Variants in SPANXN3 observed in about 807,000 individuals in gnomAD.
SPANXN3 encodes sperm protein associated with the nucleus on the X chromosome N3.
SPANXN3 carries 1 observed loss-of-function variant against 1.9 expected under a neutral mutation model. The ratio of observed to expected loss-of-function variants is 0.54; its 90% CI spans 0.19 to 2.54. SPANXN3 has a LOEUF of 2.54. Among genes scored for constraint, SPANXN3 ranks in the 30% most tolerant of loss-of-function variants. The pLI, the probability that SPANXN3 is intolerant of heterozygous loss-of-function variation, is 0.24. For missense variants in SPANXN3, 113 were observed against 96.2 expected (o/e 1.17, Z -0.73); for synonymous variants, 47 against 40.0 (o/e 1.17, Z -0.66).
rs868995223 is a variant in SPANXN3, at chrX:143,508,865, C to T, written c.376G>A (p.Glu126Lys). The T allele has an allele frequency of 3.3e-6, 4 of 1,211,896 alleles. No individual in the cohort carries two copies. The highest frequency in any genetic ancestry group is 4.5e-6 in the Non-Finnish European group (4 of 895,485). ...GATCCTTCAGATAAGCCTAGGTCTTCATCCTCCTGTGAGGATCCTTCAGAT... is the reference window on the plus strand; with the variant it reads ...GATCCTTCAGATAAGCCTAGGTCTTTATCCTCCTGTGAGGATCCTTCAGAT... ...DSSEGSSQED[E>K]DLGLSEGSSQ... The change falls in exon 2 of 2, where the codon GAA becomes AAA. Residue 126 changes from glutamate (E) to lysine (K), a missense_variant. Physicochemically the swap from Glu to Lys is moderately conservative, Grantham distance 56. Coordinates refer to ENST00000370503, the MANE Select transcript of SPANXN3 (RefSeq NM_001009609.4).
intron 1 of SPANXN3, among the ~76,000 whole-genome samples, chrX:143,512,762 G>C (rs1929123109): frequency 9.0e-6 from 1 of 111,500 alleles, no homozygotes; most frequent in Non-Finnish European, 1.9e-5. Context: ...GGGGTTCCAG[G>C]ATAGCCCCCA....
At chrX:143,516,225 A>C (rs1556412492) in intron 1 of SPANXN3, among the ~76,000 whole-genome samples, 1 of 112,401 alleles carries the variant, frequency 8.9e-6, no homozygotes, top group East Asian at 2.8e-4. Context: ...AAAATATAAA[A>C]GTTAAAACAA....
intron 1 of SPANXN3, among the ~76,000 whole-genome samples, chrX:143,511,030 G>A (rs1434119699): frequency 8.9e-6 from 1 of 112,127 alleles, no homozygotes; most frequent in Non-Finnish European, 1.9e-5. Context: ...ATACTGAAAA[G>A]AGACTTTGCT....
At chrX:143,513,295 C>T (rs1305297661) in intron 1 of SPANXN3, among the ~76,000 whole-genome samples, 2 of 111,976 alleles carry the variant, frequency 1.8e-5, no homozygotes, top group African/African-American at 3.2e-5. Context: ...TCACCAAGCC[C>T]GTTACTTTGT....
intron 1 of SPANXN3, among the ~76,000 whole-genome samples, chrX:143,515,384 C>T (rs1435007512): frequency 3.6e-5 from 4 of 111,453 alleles, no homozygotes; most frequent in African/African-American, 1.3e-4. Context: ...CAATCCAGAA[C>T]ACCTTAGTCC....
In SPANXN3 at chrX:143,509,099, C is replaced by A; in HGVS notation, c.142G>T (p.Glu48Ter). 2 of 1,211,391 alleles carry A rather than the reference C, an allele frequency of 1.7e-6. No homozygotes were observed. Among genetic ancestry groups the A allele is most frequent in the African/African-American group, 1.7e-5 (1 of 57,734 alleles). ...TAATACACAAATATTATTGGATATT[C>A]TGATGTTTTTGTGTTCTTCAAACTC... ...EQSLKNTKTSEYPIIFVYYLR... is the reference protein window; with the variant it reads ...EQSLKNTKTS Residue 48 changes from glutamate (E) to a stop codon, truncating the protein, a stop_gained, in exon 2 of 2, where the codon GAA becomes TAA. Transcript: ENST00000370503. LOFTEE classifies it low-confidence loss of function (END_TRUNC).
rs1167249894 is a variant in SPANXN3, at chrX:143,513,085, A to T, written c.79-3923T>A. Among the ~76,000 whole-genome samples, 11 of 110,876 alleles carry T rather than the reference A, an allele frequency of 9.9e-5. No homozygotes were observed. The Admixed American group carries it at 1.0e-3, about 11-fold the overall frequency. On this transcript the variant is annotated intron_variant, in intron 1 of 1. Coordinates refer to ENST00000370503, the MANE Select transcript of SPANXN3 (RefSeq NM_001009609.4). ...TTGGGACATGCCCTTTCCTCACACA[A>T]AAAAGTACCTTCTCTCCTTCTCGGG...
intron 1 of SPANXN3, among the ~76,000 whole-genome samples, chrX:143,512,496 C>T (rs1929115865): frequency 9.0e-6 from 1 of 111,571 alleles, no homozygotes; most frequent in Non-Finnish European, 1.9e-5. Context: ...TTCCAAAAGA[C>T]AGACGGGACT....
chrX:143,517,149 C>A (rs1929237547), intron 1 of SPANXN3, among the ~76,000 whole-genome samples, 165 bp downstream of exon 1: 1 of 110,834 alleles, frequency 9.0e-6, no homozygotes, highest in Non-Finnish European at 1.9e-5. Context: ...CCTCCCACCC[C>A]TACCTACAAG....
chrX:143,516,140 C>T (rs1240785269), intron 1 of SPANXN3, among the ~76,000 whole-genome samples: 3 of 112,154 alleles, frequency 2.7e-5, no homozygotes, highest in African/African-American at 6.5e-5. Context: ...CAAACAGCCT[C>T]CATCTCCTCC....
intron 1 of SPANXN3, among the ~76,000 whole-genome samples, chrX:143,515,453 C>T (rs1929193791): frequency 9.0e-6 from 1 of 111,520 alleles, no homozygotes; most frequent in Admixed American, 9.6e-5. Flanking sequence ...TCAGATCTTT[C>T]CTGGCTACCC....
At chrX:143,516,143 T>C (rs1182433242) in intron 1 of SPANXN3, among the ~76,000 whole-genome samples, 3 of 111,796 alleles carry the variant, frequency 2.7e-5, no homozygotes, top group African/African-American at 6.5e-5. Flanking sequence ...ACAGCCTCCA[T>C]CTCCTCCACC....
At position 143,509,003 on chromosome X, in the gene SPANXN3, G is replaced by A. The variant is rs782558670; in HGVS notation, c.238C>T (p.Pro80Ser). The change falls in exon 2 of 2, where the codon CCA (proline) becomes TCA (serine). Residue 80 changes from proline (P) to serine (S), a missense_variant. By Grantham distance (74) the Pro-to-Ser change is moderately conservative. Coordinates refer to ENST00000370503, the MANE Select transcript of SPANXN3 (RefSeq NM_001009609.4). ...NEQSQENSIN[P>S]IQKEEDEGVD... Reference sequence around the variant, plus strand: ...CCTTCGTCCTCCTCCTTTTGGATTGGATTGATGGAGTTCTCTTGGGACTGT... The same window carrying A: ...CCTTCGTCCTCCTCCTTTTGGATTGAATTGATGGAGTTCTCTTGGGACTGT... The A allele has an allele frequency of 1.7e-6, 2 of 1,211,902 alleles. No homozygotes were observed. The highest frequency in any genetic ancestry group is 4.3e-5 in the Admixed American group (2 of 46,047).
At chrX:143,515,141 G>A (rs1929185667) in intron 1 of SPANXN3, among the ~76,000 whole-genome samples, 2 of 110,382 alleles carry the variant, frequency 1.8e-5, no homozygotes, top group African/African-American at 3.3e-5. Flanking sequence ...AGGGGACTGG[G>A]TCTGAATCAC....
chrX:143,514,327 C>G (rs1195033737), intron 1 of SPANXN3, among the ~76,000 whole-genome samples: 1 of 112,566 alleles, frequency 8.9e-6, no homozygotes, highest in Non-Finnish European at 1.9e-5. Context: ...TTTAAAAAAC[C>G]TTCTGTACTT....
intron 1 of SPANXN3, among the ~76,000 whole-genome samples, chrX:143,515,894 C>G (rs1372620378): frequency 8.9e-6 from 1 of 111,895 alleles, no homozygotes; most frequent in Non-Finnish European, 1.9e-5. Flanking sequence ...AGGGCTGTCA[C>G]CCTCCCTCGC....
At chrX:143,510,584 A>G (rs372934596) in intron 1 of SPANXN3, among the ~76,000 whole-genome samples, 7 of 111,675 alleles carry the variant, frequency 6.3e-5, no homozygotes, top group African/African-American at 2.3e-4. Flanking sequence ...CAAATTCAAC[A>G]TCATCTAAAA....
intron 1 of SPANXN3, among the ~76,000 whole-genome samples, chrX:143,515,113 C>T (rs1253638509): frequency 1.8e-5 from 2 of 110,221 alleles, no homozygotes; most frequent in African/African-American, 3.3e-5. Flanking sequence ...CAAAATACTC[C>T]GCCCTGTCCC....
At position 143,508,919 on chromosome X, in the gene SPANXN3, G is replaced by T; in HGVS notation, c.322C>A (p.Pro108Thr). 1.7e-6 allele frequency: 2 copies of T among 1,211,330 alleles called. No homozygotes were observed. The highest frequency in any genetic ancestry group is 1.1e-6 in the Non-Finnish European group (1 of 895,296). The change falls in exon 2 of 2, where the codon CCT becomes ACT. Residue 108 changes from proline (P) to threonine (T), a missense_variant. By Grantham distance (38) the Pro-to-Thr change is conservative. Transcript: ENST00000370503. ...EDEDLGPCEG[P>T]SKEDKDLDSS... Reference sequence around the variant, plus strand: ...TCTAGATCTTTGTCCTCCTTTGAAGGTCCTTCACATGGGCCTAGGTCTTCA... The same window carrying T: ...TCTAGATCTTTGTCCTCCTTTGAAGTTCCTTCACATGGGCCTAGGTCTTCA...
Sources: gnomAD v4.1 joint callset for allele counts (sites outside exome capture counted in the v4.1 genomes callset) on GRCh38, gnomAD v4.1.1 for gene constraint, MANE v1.5 for transcripts, NCBI Gene and HGNC (gene_info 2026-07-23, HGNC 2026-07-21) for gene names.